The following TNNT1 variants were observed in gnomAD, a reference collection of about 807,000 sequenced individuals.
TNNT1 encodes the protein troponin T, slow skeletal muscle.
TNNT1 carries 53 observed loss-of-function variants against 50.6 expected under a neutral mutation model. That is an observed-to-expected ratio of 1.05 (90% confidence interval 0.84 to 1.32). The LOEUF (loss-of-function observed/expected upper bound fraction) is 1.32, where lower values mean the gene tolerates loss of function less well. Ranked by LOEUF, TNNT1 falls within the 40% of genes most tolerant of loss-of-function variation. TNNT1 has a pLI of 0.00. For missense variants in TNNT1, 348 were observed against 381.7 expected (o/e 0.91, Z 0.74); for synonymous variants, 142 against 138.0 (o/e 1.03, Z -0.20).
chr19:55,145,147 A>AC (rs1246972631), intron 6 of TNNT1, among the ~76,000 whole-genome samples: 4 of 149,484 alleles, frequency 2.7e-5, no homozygotes, highest in Admixed American at 2.7e-4. Context: ...AAAAAAAAAA[A>AC]AAAAAACCAG....
intron 10 of TNNT1, among the ~76,000 whole-genome samples, 159 bp downstream of exon 10, chr19:55,137,802 G>C (rs1357701214): frequency 1.4e-5 from 2 of 138,948 alleles, no homozygotes; most frequent in African/African-American, 5.6e-5. Flanking sequence ...CCAGACCCCA[G>C]CTCCTCCTCC....
At chr19:55,146,790 C>G in intron 3 of TNNT1, 83 bp from the exon 4 acceptor site, 1 of 1,224,722 alleles carries the variant, frequency 8.2e-7, no homozygotes. Context: ...GTTCCAGTCT[C>G]TGCTGGACGG....
chr19:55,133,571 A>AG, intron 13 of TNNT1: 1 of 454,894 alleles, frequency 2.2e-6, no homozygotes, highest in Non-Finnish European at 4.0e-6. Flanking sequence ...CCAGCTACTC[A>AG]GGGGGCTGAG....
rs763354156 is a variant in TNNT1 at position 55,147,055 on chromosome 19, G to A, written c.33-34C>T. The A allele has an allele frequency of 3.7e-6, 6 of 1,612,812 alleles. No individual in the cohort carries two copies. In the African/African-American group the frequency reaches 8.0e-5, roughly 22 times the overall value. The stretch of plus-strand genomic sequence containing the variant: ...GGGTGTGGGGAGAGAGGAGGGAGGG[G>A]AGAGTTAGACCTGGGGTGGGAGAGC... On this transcript the variant is annotated intron_variant, in intron 2 of 13. Coordinates refer to ENST00000588981, the MANE Select transcript of TNNT1 (RefSeq NM_003283.6).
At position 55,141,923 on chromosome 19, in the gene TNNT1, G is replaced by T. The variant is rs113010159; in HGVS notation, c.129-3C>A. The T allele has an allele frequency of 6.2e-7, 1 of 1,613,886 alleles. No homozygotes were observed. Among genetic ancestry groups the T allele is most frequent in the Non-Finnish European group, 8.5e-7 (1 of 1,179,942 alleles). ...TCAAAGGAGGCACCACGGGGCGGCTGAGTGGACAGAAACACAGAGACCATG... is the reference window on the plus strand; with the variant it reads ...TCAAAGGAGGCACCACGGGGCGGCTTAGTGGACAGAAACACAGAGACCATG... On this transcript the variant is annotated splice_polypyrimidine_tract_variant and splice_region_variant and intron_variant, in intron 6 of 13. Transcript: ENST00000588981.
chr19:55,145,324 A>G, intron 6 of TNNT1: 3 of 595,568 alleles, frequency 5.0e-6, no homozygotes, highest in Non-Finnish European at 8.9e-6. Context: ...AAGGAGAAGG[A>G]GAAGGGGAAG....
At chr19:55,142,970 C>T (rs1044977881) in intron 6 of TNNT1, among the ~76,000 whole-genome samples, 23 of 151,224 alleles carry the variant, frequency 1.5e-4, no homozygotes, top group Non-Finnish European at 2.8e-4. Context: ...TCAAAACCAG[C>T]TTGGGCATCA....
intron 5 of TNNT1, 134 bp downstream of exon 5, chr19:55,146,300 A>G (rs2085549239): frequency 3.7e-6 from 2 of 544,692 alleles, no homozygotes; most frequent in East Asian, 6.9e-5. Flanking sequence ...TCAGGGGCTT[A>G]AAGGACCGGG....
intron 5 of TNNT1, 127 bp from the exon 6 acceptor site, chr19:55,145,692 G>A: frequency 1.1e-6 from 1 of 935,016 alleles, no homozygotes; most frequent in South Asian, 1.4e-5. Context: ...GGACTCTGGA[G>A]TCCAGTTCTG....
intron 6 of TNNT1, chr19:55,142,154 T>C (rs1297541632): frequency 2.1e-6 from 1 of 472,596 alleles, no homozygotes; most frequent in Non-Finnish European, 3.9e-6. Context: ...GGAGTCTTGC[T>C]CTGTCACCCA....
At chr19:55,141,018 A>G (rs1219884997) in intron 8 of TNNT1, 58 bp from the exon 9 acceptor site, 3 of 1,598,558 alleles carry the variant, frequency 1.9e-6, no homozygotes, top group Non-Finnish European at 2.6e-6. Flanking sequence ...TTCCTTCCCC[A>G]GAGTAGGCTA....
chr19:55,136,973 A>G lies in TNNT1; in HGVS notation c.611+130T>C, dbSNP rs944570717. The G allele has an allele frequency of 6.3e-6, 4 of 637,990 alleles. No individual in the cohort carries two copies. In the African/African-American group the frequency reaches 7.3e-5, roughly 12 times the overall value. 39.5% of individuals were successfully genotyped at this position (637,990 alleles called of 1,614,324 possible). ...AGCAGAGGCCCAGAGAGGGGAAGCC[A>G]CTTGCCCAAAGTCACATAGCACTGG... On this transcript the variant is annotated intron_variant, in intron 11 of 13. Coordinates refer to ENST00000588981, the MANE Select transcript of TNNT1 (RefSeq NM_003283.6).
intron 6 of TNNT1, among the ~76,000 whole-genome samples, chr19:55,144,773 T>TG (rs2085517611): frequency 6.6e-6 from 1 of 152,166 alleles, no homozygotes; most frequent in African/African-American, 2.4e-5. Flanking sequence ...TGGAGCCAGA[T>TG]GGGGAAGGCT....
chr19:55,135,872 G>T, intron 11 of TNNT1, among the ~76,000 whole-genome samples: 1 of 151,974 alleles, frequency 6.6e-6, no homozygotes, highest in East Asian at 1.9e-4. Context: ...GGCCCACAGC[G>T]CCCCCCAGAG....
At position 55,137,183 on chromosome 19, in the gene TNNT1, C is replaced by T. The variant is rs368274780; in HGVS notation, c.531G>A (p.Thr177=). Residue 177 remains threonine, a synonymous_variant, in exon 11 of 14, where the codon ACG becomes ACA. Transcript: ENST00000588981. The part of the protein sequence containing the change: ...KAEQKRGKRQ[T]GREMKVRILS... ...GGATGCGCACCTTCATCTCCCGCCC[C>T]GTCTGCCGCTTACCACGCTTCTGTT... The T allele has an allele frequency of 1.9e-6, 3 of 1,613,684 alleles. No individual in the cohort carries two copies. The highest frequency in any genetic ancestry group is 4.5e-5 in the East Asian group (2 of 44,870).
chr19:55,147,013 G>A lies in TNNT1; in HGVS notation c.41C>T (p.Pro14Leu). ...CCGGCCCACTCCCTACTCACCTTCC[G>A]GCTGCTCCCTGCGGACGGGTGTGGG... The part of the protein sequence containing the change: ...TEEQEYEEEQ[P>L]EEEAAEEEEE... The change falls in exon 3 of 14, where the codon CCG (proline) becomes CTG (leucine). Residue 14 changes from proline (P) to leucine (L), a missense_variant. Pro to Leu is a moderately conservative substitution (Grantham distance 98). Around this residue, in one of 3 missense-constraint regions of TNNT1, gnomAD observed 90 missense variants for 70.8 expected, o/e 1.27. Coordinates refer to ENST00000588981, the MANE Select transcript of TNNT1 (RefSeq NM_003283.6). 6.2e-7 allele frequency: 1 copy of A among 1,610,790 alleles called. No individual in the cohort carries two copies. Among genetic ancestry groups the A allele is most frequent in the Non-Finnish European group, 8.5e-7 (1 of 1,178,852 alleles).
rs531457326 is a variant in TNNT1 at position 55,138,936 on chromosome 19, C to G, written c.388-862G>C. Among the ~76,000 whole-genome samples, 4 of 152,280 alleles carry G rather than the reference C, an allele frequency of 2.6e-5. No individual in the cohort carries two copies. In the East Asian group the frequency reaches 7.7e-4, roughly 29 times the overall value. On this transcript the variant is annotated intron_variant, in intron 9 of 13. Coordinates refer to ENST00000588981, the MANE Select transcript of TNNT1 (RefSeq NM_003283.6). Reference sequence around the variant, plus strand: ...AAACAGTGGTTTGTCCAGGCTGAGCCCCGTCTCCTTATGGTGGACATGAGG... The same window carrying G: ...AAACAGTGGTTTGTCCAGGCTGAGCGCCGTCTCCTTATGGTGGACATGAGG...
rs1412866773 is a variant in TNNT1, at chr19:55,143,451, CA to C, written c.129-1532del. Among the ~76,000 whole-genome samples, 3 of 152,168 alleles carry C rather than the reference CA, an allele frequency of 2.0e-5. No individual in the cohort carries two copies. The East Asian group carries it at 5.8e-4, about 29-fold the overall frequency. ...TTTCTGAGACAGTGAAGAGCGATTC[CA>C]AGATGAAGCAGACAGGACTTAGGGG... On this transcript the variant is annotated intron_variant, in intron 6 of 13. Transcript: ENST00000588981.
intron 3 of TNNT1, 36 bp from the exon 4 acceptor site, chr19:55,146,743 G>A: frequency 6.8e-7 from 1 of 1,471,694 alleles, no homozygotes; most frequent in Non-Finnish European, 9.0e-7. Flanking sequence ...GGCGTTAGGA[G>A]CTGGGGGAGG....
Sources: allele counts gnomAD v4.1 joint callset (sites outside exome capture counted in the v4.1 genomes callset), GRCh38; gene constraint gnomAD v4.1.1; regional missense constraint gnomAD v4.1.1; transcripts MANE v1.5; gene names NCBI Gene and HGNC (gene_info 2026-07-23, HGNC 2026-07-21).